CATSPERE: variants seen among roughly 807,000 people sequenced by gnomAD.
CATSPERE encodes cation channel sperm-associated auxiliary subunit epsilon.
A neutral mutation model predicts 114.1 loss-of-function variants in CATSPERE; 93 were observed. The observed-to-expected ratio is 0.81, with a 90% CI of 0.69 to 0.97. CATSPERE has a LOEUF of 0.97. Among genes scored for constraint, CATSPERE ranks in the 50% least tolerant of loss-of-function variants. The probability of loss-of-function intolerance (pLI) is 0.00; values close to 1 mark genes in which losing one functional copy is unlikely to be tolerated. For missense variants in CATSPERE, 1,058 were observed against 1,131.6 expected (o/e 0.93, Z 0.93); for synonymous variants, 341 against 384.1 (o/e 0.89, Z 1.31).
intron 20 of CATSPERE, among the ~76,000 whole-genome samples, chr1:244,629,815 T>C (rs912745522): frequency 2.0e-5 from 3 of 152,062 alleles, no homozygotes; most frequent in Admixed American, 2.0e-4. Context: ...AATTTTTGTA[T>C]TTTTAGTAGA....
chr1:244,636,341 G>A (rs374176006), intron 21 of CATSPERE, among the ~76,000 whole-genome samples: 15 of 152,234 alleles, frequency 9.9e-5, no homozygotes, highest in East Asian at 1.9e-4. Context: ...AAATAAGGGC[G>A]TAAGAAAAAC....
Position 244,472,125 on chromosome 1 carries a change from A to G in CATSPERE, c.115-5416A>G, listed in dbSNP as rs529888466. 3.9e-5 allele frequency among the ~76,000 whole-genome samples: 6 copies of G among 152,028 alleles called. No homozygotes were observed. The South Asian group carries it at 1.2e-3, about 32-fold the overall frequency. On this transcript the variant is annotated intron_variant, in intron 2 of 21. Coordinates refer to ENST00000366534, the MANE Select transcript of CATSPERE (RefSeq NM_001130957.2). Reference sequence around the variant, plus strand: ...AGGCATGCACCACCACACCCAGCTAATTTTATTTTATTTTTATTAGAGACA... The same window carrying G: ...AGGCATGCACCACCACACCCAGCTAGTTTTATTTTATTTTTATTAGAGACA...
At chr1:244,527,547 A>G (rs898888647) in intron 8 of CATSPERE, among the ~76,000 whole-genome samples, 2 of 152,140 alleles carry the variant, frequency 1.3e-5, no homozygotes, top group African/African-American at 4.8e-5. Flanking sequence ...AGTTAATGCA[A>G]TCATCACAGG....
At chr1:244,494,132 G>A (rs1462823628) in intron 6 of CATSPERE, among the ~76,000 whole-genome samples, 1 of 151,962 alleles carries the variant, frequency 6.6e-6, no homozygotes, top group Non-Finnish European at 1.5e-5. Context: ...AAATCATGCT[G>A]CTATAAAGAC....
intron 2 of CATSPERE, among the ~76,000 whole-genome samples, chr1:244,472,785 C>A (rs1160283088): frequency 6.6e-6 from 1 of 152,154 alleles, no homozygotes; most frequent in Admixed American, 6.6e-5. Flanking sequence ...CCTTTTCAAT[C>A]CTCCCCCTCC....
At chr1:244,513,611 T>A (rs1211496113) in intron 7 of CATSPERE, among the ~76,000 whole-genome samples, 6 of 152,070 alleles carry the variant, frequency 3.9e-5, no homozygotes, top group Non-Finnish European at 8.8e-5. Flanking sequence ...ATGACTCCAG[T>A]GGTGCATGTG....
At chr1:244,491,603 C>T (rs1572377824) in intron 6 of CATSPERE, among the ~76,000 whole-genome samples, 2 of 152,096 alleles carry the variant, frequency 1.3e-5, no homozygotes, top group Non-Finnish European at 2.9e-5. Flanking sequence ...TCAGGCAGAA[C>T]TGAGGGAAAT....
chr1:244,610,603 G>A (rs1317634083), intron 19 of CATSPERE: 13 of 488,042 alleles, frequency 2.7e-5, no homozygotes, highest in South Asian at 2.1e-4. Flanking sequence ...AGCATCAAGA[G>A]TGAGTCTTTG....
chr1:244,523,137 C>A (rs1677885860), intron 8 of CATSPERE, among the ~76,000 whole-genome samples: 1 of 147,828 alleles, frequency 6.8e-6, no homozygotes, highest in African/African-American at 2.7e-5. Context: ...GCTTATCCAC[C>A]ATGATCGAGT....
chr1:244,635,655 A>C, intron 21 of CATSPERE, 113 bp downstream of exon 21: 1 of 696,534 alleles, frequency 1.4e-6, no homozygotes, highest in Non-Finnish European at 2.5e-6. Context: ...CTGTGCACTC[A>C]CTTTTCAGGG....
intron 18 of CATSPERE, among the ~76,000 whole-genome samples, chr1:244,606,350 G>A (rs1031178200): frequency 6.6e-6 from 1 of 151,898 alleles, no homozygotes; most frequent in Admixed American, 6.6e-5. Flanking sequence ...CCCTCCCTGT[G>A]TGGGCCTTCC....
intron 10 of CATSPERE, among the ~76,000 whole-genome samples, chr1:244,564,367 T>G (rs1345941465): frequency 6.6e-6 from 1 of 152,226 alleles, no homozygotes; most frequent in South Asian, 2.1e-4. Flanking sequence ...ACAATACTGA[T>G]TCTTCCTATC....
At chr1:244,611,167 C>T (rs546848643) in intron 19 of CATSPERE, among the ~76,000 whole-genome samples, 2 of 152,328 alleles carry the variant, frequency 1.3e-5, no homozygotes, top group East Asian at 3.9e-4. Flanking sequence ...AGAATGTAAG[C>T]TCCATGAGGG....
rs1672211688 is a variant in CATSPERE at position 244,621,174 on chromosome 1, G to GATATATTTATATAAATATATCTAT, written c.2648+3501_2648+3502insAATATATCTATATATATTTATATA. Among the ~76,000 whole-genome samples the GATATATTTATATAAATATATCTAT allele has an allele frequency of 1.9e-5, 2 of 103,680 alleles. 1 individual carries two copies. The highest frequency in any genetic ancestry group is 3.5e-5 in the Non-Finnish European group (2 of 56,536). The allele number at this position is 103,680 out of a possible 152,430, so 68.0% of individuals were successfully genotyped here. Reference sequence around the variant, plus strand: ...TTATAAAATATATATATTATATATAGATATATTTATATAGATATATTTATA... The same window carrying GATATATTTATATAAATATATCTAT: ...TTATAAAATATATATATTATATATAGATATATTTATATAAATATATCTATATATATTTATATAGATATATTTATA... On this transcript the variant is annotated intron_variant, in intron 20 of 21. Coordinates refer to ENST00000366534, the MANE Select transcript of CATSPERE (RefSeq NM_001130957.2).
chr1:244,525,255 T>C (rs965539764), intron 8 of CATSPERE, among the ~76,000 whole-genome samples: 3 of 146,388 alleles, frequency 2.0e-5, no homozygotes, highest in Non-Finnish European at 3.0e-5. Context: ...AACCAAACAC[T>C]GCATATTCTC....
At chr1:244,636,622 A>T (rs1055138839) in intron 21 of CATSPERE, 2 of 152,614 alleles carry the variant, frequency 1.3e-5, no homozygotes, top group African/African-American at 4.8e-5. Context: ...CCGAAGAAGG[A>T]GTCAAGTGAG....
At chr1:244,452,097 G>C (rs113254054), upstream of CATSPERE, 10,151 of 292,104 alleles carry the variant, frequency 0.035, 222 homozygotes, top group Middle Eastern at 0.054. Context: ...CCCGGACCGA[G>C]GCCACGCCCC....
intron 4 of CATSPERE, 21 bp downstream of exon 4, chr1:244,477,996 G>A: frequency 6.6e-7 from 1 of 1,506,892 alleles, no homozygotes; most frequent in Non-Finnish European, 9.2e-7. Flanking sequence ...TTAATGATAT[G>A]TTATTAAATC....
intron 2 of CATSPERE, among the ~76,000 whole-genome samples, chr1:244,465,696 A>G (rs1385011285): frequency 6.6e-6 from 1 of 152,214 alleles, no homozygotes; most frequent in African/African-American, 2.4e-5. Flanking sequence ...CCACAAGACT[A>G]CTTTGGCTAT....
Sources: allele counts gnomAD v4.1 joint callset (sites outside exome capture counted in the v4.1 genomes callset), GRCh38; gene constraint gnomAD v4.1.1; transcripts MANE v1.5; gene names NCBI Gene and HGNC (gene_info 2026-07-23, HGNC 2026-07-21).